The following COPG2 variants were observed in gnomAD, a reference collection of about 807,000 sequenced individuals.
COPG2 encodes the protein coatomer subunit gamma-2.
In COPG2, 37 loss-of-function variants were observed where a neutral mutation model predicts 46.3. That is an observed-to-expected ratio of 0.80 (90% CI 0.61 to 1.05). The LOEUF (loss-of-function observed/expected upper bound fraction) is 1.05. Among genes scored for constraint, COPG2 ranks in the 50% least tolerant of loss-of-function variants. The pLI is 0.00. For missense variants in COPG2, 427 were observed against 387.8 expected (o/e 1.10, Z -0.85); for synonymous variants, 159 against 129.7 (o/e 1.23, Z -1.53).
At chr7:130,513,290 T>TAAA (rs1205677638) in intron 20 of COPG2, among the ~76,000 whole-genome samples, 201 of 20,058 alleles carry the variant, frequency 0.01, 1 homozygote, top group Non-Finnish European at 0.018. Context: ...TAATTCTGTC[T>TAAA]AAAAAAAAAA....
chr7:130,620,617 T>C (rs1554453500), intron 5 of COPG2, among the ~76,000 whole-genome samples: 1 of 152,208 alleles, frequency 6.6e-6, no homozygotes, highest in East Asian at 1.9e-4. Flanking sequence ...CACAGTATTT[T>C]AGCAGCACAT....
At position 130,547,685 on chromosome 7, in the gene COPG2, T is replaced by C; in HGVS notation, c.2138A>G (p.Asp713Gly). Residue 713 changes from aspartate (D) to glycine (G), a missense_variant, in exon 20 of 24, where the codon GAC (aspartate) becomes GGC (glycine). Physicochemically the swap from Asp to Gly is moderately conservative, Grantham distance 94. Transcript: ENST00000425248. ...CTGAGGGTTAGTACCTGCTGTAGGG[T>C]CATCATCAGGCAAACGAACAAGAGT... ...CYTLVRLPDDDPTAVAGSFSC... is the reference protein window; with the variant it reads ...CYTLVRLPDDGPTAVAGSFSC... The C allele has an allele frequency of 2.5e-6, 1 of 398,510 alleles. No homozygotes were observed. The highest frequency in any genetic ancestry group is 4.4e-6 in the Non-Finnish European group (1 of 226,062). 24.7% of individuals were successfully genotyped at this position (398,510 alleles called of 1,614,324 possible). A position where few individuals can be genotyped will look rare whatever the true frequency, so the allele number is the denominator to read the frequency against.
At chr7:130,603,900 CTTG>C (rs1342829072) in intron 9 of COPG2, 1 of 514,058 alleles carries the variant, frequency 1.9e-6, no homozygotes, top group African/African-American at 1.9e-5. Flanking sequence ...TATTAATCAT[CTTG>C]TTGATAACAA....
chr7:130,536,431 A>G (rs1799880274), intron 20 of COPG2, among the ~76,000 whole-genome samples: 1 of 152,184 alleles, frequency 6.6e-6, no homozygotes, highest in Admixed American at 6.5e-5. Flanking sequence ...AGGCCTATCC[A>G]ATCATCAGAG....
chr7:130,585,164 A>C (rs1220375922), intron 9 of COPG2, among the ~76,000 whole-genome samples: 1 of 152,022 alleles, frequency 6.6e-6, no homozygotes, highest in Non-Finnish European at 1.5e-5. Flanking sequence ...ATATACCCAA[A>C]TACTTACAGC....
intron 5 of COPG2, among the ~76,000 whole-genome samples, chr7:130,639,904 G>C (rs1198333636): frequency 6.6e-6 from 1 of 152,068 alleles, no homozygotes; most frequent in Non-Finnish European, 1.5e-5. Context: ...CCTTCATGAT[G>C]AAGAGGTAAG....
intron 20 of COPG2, among the ~76,000 whole-genome samples, chr7:130,523,949 T>A (rs1037587523): frequency 9.3e-5 from 14 of 151,186 alleles, no homozygotes; most frequent in Admixed American, 2.6e-4. Flanking sequence ...CTGGGTGCGT[T>A]TGTGCTGGCG....
chr7:130,607,376 T>G (rs1288809757), intron 9 of COPG2: 4 of 403,502 alleles, frequency 9.9e-6, no homozygotes, highest in African/African-American at 8.4e-5. Flanking sequence ...TATTGATTGC[T>G]TTTTCTCTTG....
intron 20 of COPG2, among the ~76,000 whole-genome samples, chr7:130,515,327 A>G (rs1799670182): frequency 6.6e-6 from 1 of 152,022 alleles, no homozygotes; most frequent in Non-Finnish European, 1.5e-5. Context: ...CAGGAGAAAG[A>G]TAGAGAGTGG....
intron 9 of COPG2, among the ~76,000 whole-genome samples, chr7:130,565,020 A>T (rs1025731348): frequency 6.6e-6 from 1 of 152,202 alleles, no homozygotes; most frequent in Non-Finnish European, 1.5e-5. Flanking sequence ...TGGCCAAAAA[A>T]CTTAAAAGGA....
chr7:130,663,056 C>G lies in COPG2; in HGVS notation c.172-18G>C. The G allele has an allele frequency of 6.9e-7, 1 of 1,451,924 alleles. No individual in the cohort carries two copies. Among genetic ancestry groups the G allele is most frequent in the Non-Finnish European group, 9.2e-7 (1 of 1,084,598 alleles). The allele number at this position is 1,451,924 out of a possible 1,614,324, so 89.9% of individuals were successfully genotyped here. The stretch of plus-strand genomic sequence containing the variant: ...TGTTCACCCTAAGTAAAATTTAAAA[C>G]AATTTTTAAATTTTAAAAAGTGTAT... On this transcript the variant is annotated intron_variant, in intron 3 of 23. Transcript: ENST00000425248.
Position 130,519,534 on chromosome 7 carries a change from T to G in COPG2, c.2150-10875A>C, listed in dbSNP as rs1198210785. ...GTTTATATCCACTAAATGATACAGC[T>G]GAATGAAGAAAGAATGCTGGAGAAA... On this transcript the variant is annotated intron_variant, in intron 20 of 23. Transcript: ENST00000425248. Among the ~76,000 whole-genome samples the G allele has an allele frequency of 3.9e-5, 6 of 152,040 alleles. No individual in the cohort carries two copies. In the East Asian group the frequency reaches 1.2e-3, roughly 29 times the overall value.
At chr7:130,525,477 C>A (rs1219786165) in intron 20 of COPG2, among the ~76,000 whole-genome samples, 3 of 152,096 alleles carry the variant, frequency 2.0e-5, no homozygotes, top group Admixed American at 1.3e-4. Flanking sequence ...GCATGGTAAC[C>A]TCAGGGACTT....
intron 9 of COPG2, among the ~76,000 whole-genome samples, chr7:130,595,090 T>C (rs1563053890): frequency 6.6e-6 from 1 of 152,154 alleles, no homozygotes. Context: ...TATTCATTAA[T>C]AGCCAAAAAA....
intron 5 of COPG2, among the ~76,000 whole-genome samples, chr7:130,641,298 A>G (rs1269879791): frequency 1.3e-5 from 2 of 152,220 alleles, no homozygotes; most frequent in Non-Finnish European, 2.9e-5. Flanking sequence ...AGGCAACAGA[A>G]TAATTCCAGG....
intron 20 of COPG2, among the ~76,000 whole-genome samples, chr7:130,529,191 T>A (rs1227240694): frequency 1.3e-5 from 2 of 151,888 alleles, no homozygotes; most frequent in Non-Finnish European, 1.5e-5. Context: ...AGGATGGCAA[T>A]GTTGGCAGCA....
At chr7:130,515,242 A>G (rs901014446) in intron 20 of COPG2, among the ~76,000 whole-genome samples, 5 of 152,214 alleles carry the variant, frequency 3.3e-5, no homozygotes, top group African/African-American at 9.6e-5. Context: ...CAGGCTGTAC[A>G]GGAAGCATGG....
intron 14 of COPG2, among the ~76,000 whole-genome samples, chr7:130,552,892 C>A (rs1454761450): frequency 6.6e-6 from 1 of 152,172 alleles, no homozygotes; most frequent in Non-Finnish European, 1.5e-5. Context: ...AGGAGCTACA[C>A]TCTAGTGGGA....
At chr7:130,531,305 A>G (rs1452925790) in intron 20 of COPG2, among the ~76,000 whole-genome samples, 1 of 152,056 alleles carries the variant, frequency 6.6e-6, no homozygotes, top group Non-Finnish European at 1.5e-5. Flanking sequence ...CAGGCTAGGG[A>G]AGACCCTGAA....
Sources: gnomAD v4.1 joint callset for allele counts (sites outside exome capture counted in the v4.1 genomes callset) on GRCh38, gnomAD v4.1.1 for gene constraint, MANE v1.5 for transcripts, NCBI Gene and HGNC (gene_info 2026-07-23, HGNC 2026-07-21) for gene names.